EYS: variants seen among roughly 807,000 people sequenced by gnomAD.
EYS encodes the protein protein eyes shut homolog.
A neutral mutation model predicts 282.1 loss-of-function variants in EYS; 250 were observed. The ratio of observed to expected loss-of-function variants is 0.89; its 90% CI spans 0.80 to 0.98. The LOEUF (loss-of-function observed/expected upper bound fraction) is 0.98, where lower values mean the gene tolerates loss of function less well. Ranked by LOEUF, EYS falls within the 50% of genes least tolerant of loss-of-function variation. The probability of loss-of-function intolerance (pLI) is 0.00; values close to 1 mark genes in which losing one functional copy is unlikely to be tolerated. For synonymous variants in EYS, 1,355 were observed against 1,282.9 expected (o/e 1.06, Z -1.20); for missense variants, 4,016 against 3,709.0 (o/e 1.08, Z -2.15).
chr6:63,837,133 A>T (rs1334694595), intron 36 of EYS, among the ~76,000 whole-genome samples: 1 of 152,122 alleles, frequency 6.6e-6, no homozygotes, highest in East Asian at 1.9e-4. Context: ...AATTCAAAAA[A>T]ATATAGAAAC....
intron 12 of EYS, among the ~76,000 whole-genome samples, chr6:65,290,525 A>G (rs1401048645): frequency 1.3e-5 from 2 of 151,306 alleles, no homozygotes; most frequent in African/African-American, 4.8e-5. Context: ...CCAGTAATAT[A>G]CATTAGCAAA....
chr6:64,389,959 G>C (rs1014485713), intron 28 of EYS, among the ~76,000 whole-genome samples: 2 of 150,862 alleles, frequency 1.3e-5, no homozygotes, highest in Admixed American at 1.3e-4. Flanking sequence ...TGCCTCACTT[G>C]GGAAGTGCAA....
chr6:65,095,688 G>A (rs1433753263), intron 12 of EYS, among the ~76,000 whole-genome samples: 2 of 150,672 alleles, frequency 1.3e-5, no homozygotes, highest in African/African-American at 4.9e-5. Context: ...ACAGAATGAA[G>A]GATAAACATC....
chr6:64,702,997 T>C (rs755713481), intron 22 of EYS, among the ~76,000 whole-genome samples: 41 of 152,136 alleles, frequency 2.7e-4, no homozygotes, highest in Non-Finnish European at 5.1e-4. Context: ...CATTGTTAAA[T>C]AACAATGTGA....
At chr6:63,734,362 T>C (rs1768856744) in intron 41 of EYS, among the ~76,000 whole-genome samples, 1 of 152,166 alleles carries the variant, frequency 6.6e-6, no homozygotes, top group African/African-American at 2.4e-5. Flanking sequence ...CCATCAAGAC[T>C]GTCTTATAAG....
intron 5 of EYS, among the ~76,000 whole-genome samples, chr6:65,449,183 G>A (rs1764310655): frequency 6.6e-6 from 1 of 152,100 alleles, no homozygotes; most frequent in African/African-American, 2.4e-5. Context: ...ACTAAAGAAT[G>A]GTTTCCTTGA....
intron 13 of EYS, among the ~76,000 whole-genome samples, chr6:65,031,296 C>T (rs538784266): frequency 1.3e-5 from 2 of 151,740 alleles, no homozygotes; most frequent in Admixed American, 6.6e-5. Context: ...ACTTTAACAC[C>T]TCACTTAAAG....
intron 22 of EYS, among the ~76,000 whole-genome samples, chr6:64,802,609 C>T (rs1331466825): frequency 6.6e-6 from 1 of 152,116 alleles, no homozygotes; most frequent in Non-Finnish European, 1.5e-5. Context: ...TATTTTCACA[C>T]TACTAATTTA....
intron 35 of EYS, among the ~76,000 whole-genome samples, chr6:63,865,691 G>A (rs1208642101): frequency 1.3e-5 from 2 of 152,126 alleles, no homozygotes; most frequent in African/African-American, 4.8e-5. Flanking sequence ...TATCTGTATG[G>A]TTTCTCAATA....
Position 64,151,317 on chromosome 6 carries a change from T to TTATATATA in EYS, c.6425-69323_6425-69316dup, listed in dbSNP as rs61575285. On this transcript the variant is annotated intron_variant, in intron 31 of 42. Coordinates refer to ENST00000503581, the MANE Select transcript of EYS (RefSeq NM_001142800.2). ...TTTTCACACGTGTGTGTGTGTATAT[T>TTATATATA]TATATATATATATATATATATATAT... 3.2e-3 allele frequency among the ~76,000 whole-genome samples: 168 copies of TTATATATA among 52,384 alleles called. 3 individuals carry two copies. The highest frequency in any genetic ancestry group is 5.8e-3 in the East Asian group (8 of 1,374). 34.4% of individuals were successfully genotyped at this position (52,384 alleles called of 152,430 possible).
chr6:65,193,568 T>C (rs1455771231), intron 12 of EYS, among the ~76,000 whole-genome samples: 3 of 151,774 alleles, frequency 2.0e-5, no homozygotes, highest in African/African-American at 7.3e-5. Flanking sequence ...AAGTTCTGTA[T>C]ATAAGCTAGG....
chr6:64,825,995 G>A (rs920069978), intron 19 of EYS, among the ~76,000 whole-genome samples: 2 of 151,636 alleles, frequency 1.3e-5, no homozygotes, highest in African/African-American at 2.4e-5. Flanking sequence ...CTTTGACATA[G>A]CACATCTAAA....
In EYS at chr6:65,501,330, G is replaced by T. The variant is rs145873367; in HGVS notation, c.-332-5337C>A. Among the ~76,000 whole-genome samples, 91 of 151,856 alleles carry T rather than the reference G, an allele frequency of 6.0e-4. 1 individual carries two copies. The highest frequency in any genetic ancestry group is 3.4e-3 in the Middle Eastern group (1 of 294). ...TGTTAGTTATTTCTCTTTTGTAGAT[G>T]ATTAAAATGAGAATGTAAATGATTA... On this transcript the variant is annotated intron_variant, in intron 2 of 42. Coordinates refer to ENST00000503581, the MANE Select transcript of EYS (RefSeq NM_001142800.2).
chr6:64,997,485 T>C, intron 14 of EYS, 97 bp downstream of exon 14: 1 of 1,140,070 alleles, frequency 8.8e-7, no homozygotes, highest in East Asian at 2.6e-5. Flanking sequence ...ATATATATAC[T>C]AACCTAACAC....
rs745821098 is a variant in EYS, at chr6:64,353,188, T to C, written c.6078+35502A>G. On this transcript the variant is annotated intron_variant, in intron 29 of 42. Transcript: ENST00000503581. The stretch of plus-strand genomic sequence containing the variant: ...TCCTGGCATTTATTTTAAAAATCAA[T>C]GCTATATAATATTATATTGGTGGTA... Among the ~76,000 whole-genome samples the C allele has an allele frequency of 1.1e-4, 17 of 151,564 alleles. 1 individual carries two copies. In the Middle Eastern group the frequency reaches 0.014, roughly 121 times the overall value.
At chr6:65,394,192 A>G (rs1316854661) in intron 7 of EYS, among the ~76,000 whole-genome samples, 1 of 151,950 alleles carries the variant, frequency 6.6e-6, no homozygotes, top group Non-Finnish European at 1.5e-5. Flanking sequence ...TATTGGAGTC[A>G]TTGCATTCAG....
At chr6:65,236,489 T>C (rs2150272275) in intron 12 of EYS, among the ~76,000 whole-genome samples, 1 of 152,108 alleles carries the variant, frequency 6.6e-6, no homozygotes, top group African/African-American at 2.4e-5. Context: ...TGCACGCTTG[T>C]TTTCCTAGCC....
rs1397883233 is a variant in EYS, at chr6:64,439,229, A to G, written c.5768T>C (p.Val1923Ala). Residue 1923 changes from valine (V) to alanine (A), a missense_variant, in exon 27 of 43, where the codon GTC becomes GCC. Physicochemically the swap from Val to Ala is moderately conservative, Grantham distance 64. Coordinates refer to ENST00000503581, the MANE Select transcript of EYS (RefSeq NM_001142800.2). ...ATCTACTAAATTTGAGTCTTGCTTGACATACAGCAGAAGTCCATAGGAGCT... is the reference window on the plus strand; with the variant it reads ...ATCTACTAAATTTGAGTCTTGCTTGGCATACAGCAGAAGTCCATAGGAGCT... ...TFSSYGLLLY[V>A]KQDSNLVDGF... The G allele has an allele frequency of 6.7e-7, 1 of 1,500,996 alleles. No individual in the cohort carries two copies. The highest frequency in any genetic ancestry group is 8.9e-7 in the Non-Finnish European group (1 of 1,125,768). 93.0% of individuals were successfully genotyped at this position (1,500,996 alleles called of 1,614,324 possible).
At chr6:64,529,272 T>C (rs1292627701) in intron 26 of EYS, among the ~76,000 whole-genome samples, 1 of 152,072 alleles carries the variant, frequency 6.6e-6, no homozygotes, top group African/African-American at 2.4e-5. Flanking sequence ...TCTCTTTTTC[T>C]TCTTTGGTTA....
Sources: allele counts gnomAD v4.1 joint callset (sites outside exome capture counted in the v4.1 genomes callset), GRCh38; gene constraint gnomAD v4.1.1; transcripts MANE v1.5; gene names NCBI Gene and HGNC (gene_info 2026-07-23, HGNC 2026-07-21).